Variants in OXR1 observed in about 807,000 individuals in gnomAD.
The protein encoded by OXR1 is oxidation resistance protein 1.
Under a neutral mutation model 104.6 loss-of-function variants are expected in OXR1, and 41 were observed. The observed-to-expected ratio is 0.39, with a 90% CI of 0.31 to 0.51. OXR1 has a LOEUF of 0.51. Among genes scored for constraint, OXR1 ranks in the 20% least tolerant of loss-of-function variants. The pLI is 0.77. For missense variants in OXR1, 955 were observed against 1,031.9 expected, an observed-to-expected ratio of 0.93 and a Z score of 1.02; for synonymous variants, 348 against 348.4, an observed-to-expected ratio of 1.00 and a Z score of 0.01.
intron 3 of OXR1, among the ~76,000 whole-genome samples, chr8:106,630,958 G>A (rs1291093429): frequency 6.6e-6 from 1 of 152,134 alleles, no homozygotes; most frequent in East Asian, 1.9e-4. Context: ...GACTTTTGGG[G>A]GTTGGTCGGA....
At chr8:106,491,915 A>C (rs1226079391) in intron 2 of OXR1, among the ~76,000 whole-genome samples, 1 of 152,230 alleles carries the variant, frequency 6.6e-6, no homozygotes, top group African/African-American at 2.4e-5. Flanking sequence ...ACAATGAAAA[A>C]TAAATGAAAA....
intron 2 of OXR1, among the ~76,000 whole-genome samples, chr8:106,463,923 G>A (rs1407789759): frequency 6.6e-6 from 1 of 152,030 alleles, no homozygotes; most frequent in East Asian, 1.9e-4. Context: ...GTCAATTATT[G>A]CTCAGAGCCT....
chr8:106,643,037 T>C (rs931410883), intron 3 of OXR1, among the ~76,000 whole-genome samples: 2 of 152,234 alleles, frequency 1.3e-5, no homozygotes, highest in Admixed American at 6.5e-5. Flanking sequence ...GTCTTGTGAC[T>C]TTCCTTTCTC....
chr8:106,427,811 G>A (rs1329869518), intron 2 of OXR1, among the ~76,000 whole-genome samples: 1 of 152,126 alleles, frequency 6.6e-6, no homozygotes, highest in Non-Finnish European at 1.5e-5. Flanking sequence ...TAAACAGTCG[G>A]ACACCTGGGG....
intron 2 of OXR1, among the ~76,000 whole-genome samples, chr8:106,475,140 C>T (rs1241036078): frequency 1.3e-5 from 2 of 152,028 alleles, no homozygotes; most frequent in East Asian, 1.9e-4. Context: ...CAATCTCCCA[C>T]ACAGTCAAAA....
At chr8:106,591,439 T>C (rs939372858) in intron 3 of OXR1, among the ~76,000 whole-genome samples, 8 of 96,892 alleles carry the variant, frequency 8.3e-5, no homozygotes, top group Admixed American at 1.9e-4. Context: ...AAACTTAAAG[T>C]ATAATTAAAA....
At chr8:106,294,994 C>A (rs1812929938) in intron 1 of OXR1, among the ~76,000 whole-genome samples, 1 of 152,128 alleles carries the variant, frequency 6.6e-6, no homozygotes, top group Admixed American at 6.5e-5. Flanking sequence ...CTGCCTCCTC[C>A]TAAACTGGAA....
chr8:106,385,775 T>C (rs1458769099), intron 2 of OXR1, among the ~76,000 whole-genome samples: 1 of 152,074 alleles, frequency 6.6e-6, no homozygotes, highest in East Asian at 1.9e-4. Context: ...AGAAGCAAAA[T>C]TGTTCATTAT....
chr8:106,593,751 G>A (rs1392664807), intron 3 of OXR1, among the ~76,000 whole-genome samples: 1 of 152,152 alleles, frequency 6.6e-6, no homozygotes. Flanking sequence ...ACTCCAGCCT[G>A]GGCGACAGAG....
At chr8:106,357,339 A>G (rs1816015345) in intron 1 of OXR1, among the ~76,000 whole-genome samples, 1 of 151,972 alleles carries the variant, frequency 6.6e-6, no homozygotes, top group South Asian at 2.1e-4. Flanking sequence ...GCCTTTACAG[A>G]TGTAAGTCTA....
At position 106,691,514 on chromosome 8, in the gene OXR1, A is replaced by T. The variant is rs983257378; in HGVS notation, c.526-1214A>T. Among the ~76,000 whole-genome samples, 11 of 151,796 alleles carry T rather than the reference A, an allele frequency of 7.2e-5. No individual in the cohort carries two copies. In the South Asian group the frequency reaches 2.3e-3, roughly 31 times the overall value. On this transcript the variant is annotated intron_variant, in intron 6 of 16. Transcript: ENST00000517566. The stretch of plus-strand genomic sequence containing the variant: ...ATTACATTGACAAATTGGTATTGCT[A>T]TAGATACTGAGTTCAGACTTTCAGG...
At chr8:106,445,181 A>C (rs142118505) in intron 2 of OXR1, among the ~76,000 whole-genome samples, 1 of 152,116 alleles carries the variant, frequency 6.6e-6, no homozygotes, top group African/African-American at 2.4e-5. Flanking sequence ...AGACAAACAC[A>C]CTCATCTTAC....
At chr8:106,547,057 A>G (rs1234008644) in intron 3 of OXR1, among the ~76,000 whole-genome samples, 2 of 151,976 alleles carry the variant, frequency 1.3e-5, no homozygotes, top group Non-Finnish European at 2.9e-5. Context: ...CGCCTAGCTA[A>G]TTTTTGTATT....
intron 3 of OXR1, among the ~76,000 whole-genome samples, chr8:106,593,621 C>CA (rs1318903623): frequency 2.6e-5 from 4 of 151,650 alleles, no homozygotes; most frequent in East Asian, 3.9e-4. Context: ...TGCTAAAATA[C>CA]AAAAAATTAG....
intron 2 of OXR1, among the ~76,000 whole-genome samples, chr8:106,431,601 C>A (rs771417767): frequency 7.9e-5 from 12 of 152,170 alleles, no homozygotes; most frequent in Non-Finnish European, 1.2e-4. Flanking sequence ...CGTATCTATT[C>A]GTTCGTCTGT....
intron 2 of OXR1, among the ~76,000 whole-genome samples, chr8:106,447,773 A>C (rs16874660): frequency 0.11 from 16,677 of 152,036 alleles, 3,105 homozygotes; most frequent in African/African-American, 0.38. Context: ...GTATTTAATA[A>C]CCTCCTTCGT....
intron 8 of OXR1, among the ~76,000 whole-genome samples, chr8:106,704,393 C>CTTCTTTTTTTTTTTTTTTTTTT (rs1830917410): frequency 2.1e-5 from 1 of 47,888 alleles, no homozygotes; most frequent in African/African-American, 1.0e-4. Flanking sequence ...CTTTCTTCTT[C>CTTCTTTTTTTTTTTTTTTTTTT]TTTTTTTTTT....
intron 11 of OXR1, among the ~76,000 whole-genome samples, chr8:106,722,767 T>C (rs1279820546): frequency 6.6e-6 from 1 of 152,204 alleles, no homozygotes; most frequent in Non-Finnish European, 1.5e-5. Flanking sequence ...CAAAACGAAA[T>C]TGCTTAAAGA....
intron 3 of OXR1, among the ~76,000 whole-genome samples, chr8:106,527,559 A>G (rs1022329962): frequency 1.3e-5 from 2 of 152,214 alleles, no homozygotes; most frequent in Non-Finnish European, 2.9e-5. Context: ...CCTCCTGCCT[A>G]GAATAGTGAT....
Sources: allele counts gnomAD v4.1 joint callset (sites outside exome capture counted in the v4.1 genomes callset), GRCh38; gene constraint gnomAD v4.1.1; transcripts MANE v1.5; gene names NCBI Gene and HGNC (gene_info 2026-07-23, HGNC 2026-07-21).